Variants in SP100 observed in about 807,000 individuals in gnomAD.
SP100 encodes the protein nuclear autoantigen Sp-100.
In SP100, 84 loss-of-function variants were observed where a neutral mutation model predicts 130.0. The ratio of observed to expected loss-of-function variants is 0.65; its 90% CI spans 0.54 to 0.77. The LOEUF (loss-of-function observed/expected upper bound fraction) is 0.77. SP100 is among the 30% of genes least tolerant of loss of function. The pLI, the probability that SP100 is intolerant of heterozygous loss-of-function variation, is 0.00. For missense variants in SP100, 978 were observed against 1,052.2 expected (o/e 0.93, Z 0.97); for synonymous variants, 331 against 351.7 (o/e 0.94, Z 0.66).
intron 23 of SP100, 41 bp downstream of exon 23, chr2:230,508,072 T>C (rs1690257224): frequency 6.2e-7 from 1 of 1,609,660 alleles, no homozygotes; most frequent in South Asian, 1.1e-5. Context: ...TCGTCTATTA[T>C]GTTGTTGATT....
At chr2:230,526,680 G>A (rs929542585) in intron 24 of SP100, among the ~76,000 whole-genome samples, 3 of 152,124 alleles carry the variant, frequency 2.0e-5, no homozygotes, top group Admixed American at 1.3e-4. Flanking sequence ...AAGGTTAGAC[G>A]AATAGCTAAT....
At chr2:230,507,963 A>G (rs1690248430) in intron 22 of SP100, 30 bp from the exon 23 acceptor site, 2 of 1,609,796 alleles carry the variant, frequency 1.2e-6, no homozygotes, top group Non-Finnish European at 1.7e-6. Context: ...GCAAGAACCC[A>G]TCAAATCATT....
At chr2:230,508,291 T>G in intron 23 of SP100, 1 of 372,208 alleles carries the variant, frequency 2.7e-6, no homozygotes, top group Non-Finnish European at 4.6e-6. Context: ...TGTTTTTTAG[T>G]AAAGGAGCTA....
intron 18 of SP100, among the ~76,000 whole-genome samples, chr2:230,497,738 C>A (rs1377849784): frequency 1.3e-5 from 2 of 152,124 alleles, no homozygotes; most frequent in Admixed American, 6.6e-5. Context: ...TTTAATCAAC[C>A]CTTTGTTAGT....
intron 24 of SP100, among the ~76,000 whole-genome samples, chr2:230,523,190 A>T (rs559304912): frequency 5.0e-4 from 76 of 152,234 alleles, no homozygotes; most frequent in Non-Finnish European, 9.3e-4. Context: ...CAGATAACAT[A>T]TCCGGGCAAA....
chr2:230,524,195 A>AAAAAAAAAG (rs1559534582), intron 24 of SP100, among the ~76,000 whole-genome samples: 4 of 143,318 alleles, frequency 2.8e-5, no homozygotes, highest in Non-Finnish European at 3.0e-5. Context: ...AAAAAAAAAA[A>AAAAAAAAAG]AAAAAAGAAA....
chr2:230,492,343 C>CT (rs2066432765), intron 17 of SP100, among the ~76,000 whole-genome samples: 1 of 152,190 alleles, frequency 6.6e-6, no homozygotes, highest in Non-Finnish European at 1.5e-5. Context: ...GGGTCTCACT[C>CT]TGTCACCCAG....
intron 24 of SP100, among the ~76,000 whole-genome samples, chr2:230,531,349 CAT>C (rs1691691746): frequency 6.7e-6 from 1 of 149,698 alleles, no homozygotes; most frequent in Non-Finnish European, 1.5e-5. Context: ...TGTTCTCACT[CAT>C]AGGTGGAGTT....
chr2:230,453,189 G>C (rs907848124), intron 8 of SP100, among the ~76,000 whole-genome samples: 6 of 152,124 alleles, frequency 3.9e-5, no homozygotes, highest in Non-Finnish European at 8.8e-5. Context: ...AGTGCAAAGG[G>C]GGGACAAGTT....
chr2:230,432,331 T>A (rs2063123811), intron 2 of SP100, among the ~76,000 whole-genome samples: 1 of 152,216 alleles, frequency 6.6e-6, no homozygotes, highest in Non-Finnish European at 1.5e-5. Context: ...CTATTATGAA[T>A]AATGCTGTCC....
At position 230,542,052 on chromosome 2, in the gene SP100, G is replaced by C. The variant is rs376285945; in HGVS notation, c.2547+17G>C. 1.2e-5 allele frequency: 19 copies of C among 1,612,624 alleles called. No individual in the cohort carries two copies. Among genetic ancestry groups the C allele is most frequent in the Admixed American group, 6.7e-5 (4 of 59,836 alleles). On this transcript the variant is annotated intron_variant, in intron 28 of 28. Transcript: ENST00000340126. ...TTTTACAGGGTGAGTGGCTCTCCCT[G>C]CTTCCTTTTCTCTTTCAATTACATC...
At chr2:230,474,590 T>C in intron 17 of SP100, 143 bp downstream of exon 17, 1 of 581,344 alleles carries the variant, frequency 1.7e-6, no homozygotes, top group South Asian at 2.2e-5. Flanking sequence ...ATGGGTAAAT[T>C]GTGTGATGCT....
chr2:230,472,427 C>CAAAAAA (rs201703163), intron 15 of SP100, among the ~76,000 whole-genome samples: 31 of 61,310 alleles, frequency 5.1e-4, no homozygotes, highest in Non-Finnish European at 5.4e-4. Flanking sequence ...GACTCCGTCT[C>CAAAAAA]AAAAAAAAAA....
chr2:230,534,400 C>T lies in SP100; in HGVS notation c.2095-4867C>T, dbSNP rs138535416. On this transcript the variant is annotated intron_variant, in intron 24 of 28. Coordinates refer to ENST00000340126, the MANE Select transcript of SP100 (RefSeq NM_001080391.2). ...CAGCCTGGGTGACAGAGCGAGACTC[C>T]GTCTCAAAAAAAAGAGAAGTCTTAG... 3.0e-3 allele frequency among the ~76,000 whole-genome samples: 461 copies of T among 151,980 alleles called. 18 individuals carry two copies. In the East Asian group the frequency reaches 0.078, roughly 26 times the overall value.
chr2:230,422,106 T>G (rs1457078237), intron 2 of SP100, among the ~76,000 whole-genome samples: 1 of 152,174 alleles, frequency 6.6e-6, no homozygotes, highest in Non-Finnish European at 1.5e-5. Flanking sequence ...TTCCTTCTAG[T>G]GATTAAAACA....
In SP100 at chr2:230,484,670, C is replaced by A. The variant is rs1040457145; in HGVS notation, c.1601-9746C>A. ...CTTTCGTTGTTATTATAAATGAGGT[C>A]TTCCCTTGCATTATATCTTTTAACT... On this transcript the variant is annotated intron_variant, in intron 17 of 28. Transcript: ENST00000340126. Among the ~76,000 whole-genome samples the A allele has an allele frequency of 4.6e-5, 7 of 152,104 alleles. No homozygotes were observed. In the East Asian group the frequency reaches 1.2e-3, roughly 25 times the overall value.
chr2:230,497,594 A>G (rs375368131), intron 18 of SP100, among the ~76,000 whole-genome samples: 2 of 134,492 alleles, frequency 1.5e-5, no homozygotes, highest in Non-Finnish European at 3.4e-5. Context: ...AAGGAAAGGA[A>G]AGGAAAGGAA....
At chr2:230,535,724 T>C (rs2150112386) in intron 24 of SP100, among the ~76,000 whole-genome samples, 1 of 151,774 alleles carries the variant, frequency 6.6e-6, no homozygotes, top group South Asian at 2.1e-4. Flanking sequence ...CCTGCCAACA[T>C]GGTGAAACCC....
chr2:230,448,361 G>C (rs1474281125), intron 5 of SP100, among the ~76,000 whole-genome samples: 2 of 152,150 alleles, frequency 1.3e-5, no homozygotes, highest in African/African-American at 4.8e-5. Flanking sequence ...GTGGCGGTTG[G>C]TTTAATGCTC....
Sources: allele counts gnomAD v4.1 joint callset (sites outside exome capture counted in the v4.1 genomes callset), GRCh38; gene constraint gnomAD v4.1.1; transcripts MANE v1.5; gene names NCBI Gene and HGNC (gene_info 2026-07-23, HGNC 2026-07-21).